FAM8A1: variants seen among roughly 807,000 people sequenced by gnomAD.
The protein encoded by FAM8A1 is family with sequence similarity 8 member A1, also known as protein FAM8A1.
A neutral mutation model predicts 38.3 loss-of-function variants in FAM8A1; 18 were observed. The ratio of observed to expected loss-of-function variants is 0.47; its 90% CI spans 0.33 to 0.70. The LOEUF is 0.70. Ranked by LOEUF, FAM8A1 falls within the 30% of genes least tolerant of loss-of-function variation. The pLI is 0.03. For synonymous variants in FAM8A1, 246 were observed against 234.4 expected, an observed-to-expected ratio of 1.05 and a Z score of -0.45; for missense variants, 559 against 559.6, an observed-to-expected ratio of 1.00 and a Z score of 0.01.
rs1222733924 is a variant in FAM8A1, at chr6:17,611,713, C to CA, written c.*3376dup. 1 of 152,164 alleles carries CA rather than the reference C, an allele frequency of 6.6e-6. No individual in the cohort carries two copies. Among genetic ancestry groups the CA allele is most frequent in the Non-Finnish European group, 1.5e-5 (1 of 68,022 alleles). 9.4% of individuals were successfully genotyped at this position (152,164 alleles called of 1,614,324 possible). Reference sequence around the variant, plus strand: ...TTTGTCTCAATAAATACTTAGTCATCAATGCATCTGTATTTTGTCTATTTC... The same window carrying CA: ...TTTGTCTCAATAAATACTTAGTCATCAAATGCATCTGTATTTTGTCTATTTC... On this transcript the variant is annotated 3_prime_UTR_variant, in exon 5 of 5. Transcript: ENST00000259963.
intron 2 of FAM8A1, among the ~76,000 whole-genome samples, chr6:17,604,036 G>C (rs1764020647): frequency 6.6e-6 from 1 of 151,998 alleles, no homozygotes; most frequent in South Asian, 2.1e-4. Flanking sequence ...TCCTGGTTCT[G>C]TTCCTTTCCT....
rs778338963 is a variant in FAM8A1, at chr6:17,600,883, C to T, written c.474C>T (p.Val158=). Residue 158 remains valine, a synonymous_variant, in exon 1 of 5, where the codon GTC becomes GTT. Transcript: ENST00000259963. Reference sequence around the variant, plus strand: ...GCTTCCCTTCGGGCGGCGCTGCAGTCCCCCAGGCCGCGGCGCCGCCGCCCC... The same window carrying T: ...GCTTCCCTTCGGGCGGCGCTGCAGTTCCCCAGGCCGCGGCGCCGCCGCCCC... The part of the protein sequence containing the change: ...PQSFPSGGAA[V]PQAAAPPPPQ... The T allele has an allele frequency of 1.2e-6, 2 of 1,600,690 alleles. No homozygotes were observed. Among genetic ancestry groups the T allele is most frequent in the East Asian group, 2.2e-5 (1 of 44,638 alleles).
Position 17,600,562 on chromosome 6 carries a change from C to A in FAM8A1, c.153C>A (p.Gly51=). 1 of 1,500,832 alleles carries A rather than the reference C, an allele frequency of 6.7e-7. No homozygotes were observed. Among genetic ancestry groups the A allele is most frequent in the Non-Finnish European group, 8.9e-7 (1 of 1,128,920 alleles). 93.0% of individuals were successfully genotyped at this position (1,500,832 alleles called of 1,614,324 possible). A position where few individuals can be genotyped will look rare whatever the true frequency, so the allele number is the denominator to read the frequency against. ...DDPQAEPQAP[G]RPTAPGLAAA... is the part of the protein sequence containing the mutation. ...CCCAGGCCGAACCCCAGGCCCCGGG[C>A]CGGCCCACAGCCCCGGGCCTCGCGG... Residue 51 remains glycine (G), a synonymous_variant, in exon 1 of 5, where the codon GGC becomes GGA. Coordinates refer to ENST00000259963, the MANE Select transcript of FAM8A1 (RefSeq NM_016255.3).
rs16879867 is a variant in FAM8A1 at position 17,611,062 on chromosome 6, T to C, written c.*2723T>C. The C allele has an allele frequency of 0.097, 14,830 of 152,234 alleles. 807 individuals carry two copies. Among genetic ancestry groups the C allele is most frequent in the Admixed American group, 0.12 (1,889 of 15,296 alleles). The allele number at this position is 152,234 out of a possible 1,614,324, so 9.4% of individuals were successfully genotyped here. On this transcript the variant is annotated 3_prime_UTR_variant, in exon 5 of 5. Transcript: ENST00000259963. ...TCACTTGTCAGTATCATAAAGAGTA[T>C]TGCCCAACTGAACTTTGCTCCCACT...
chr6:17,600,552 A>C lies in FAM8A1; in HGVS notation c.143A>C (p.Gln48Pro), dbSNP rs758577703. The change falls in exon 1 of 5, where the codon CAG (glutamine) becomes CCG (proline). Residue 48 changes from glutamine (Q) to proline (P), a missense_variant. Physicochemically the swap from Gln to Pro is moderately conservative, Grantham distance 76. Transcript: ENST00000259963. ...CGCGACGACCCCCAGGCCGAACCCC[A>C]GGCCCCGGGCCGGCCCACAGCCCCG... The part of the protein sequence containing the change: ...CPRDDPQAEP[Q>P]APGRPTAPGL... The C allele has an allele frequency of 2.0e-6, 3 of 1,509,046 alleles. No homozygotes were observed. Among genetic ancestry groups the C allele is most frequent in the Non-Finnish European group, 2.7e-6 (3 of 1,131,608 alleles). The allele number at this position is 1,509,046 out of a possible 1,614,324, so 93.5% of individuals were successfully genotyped here.
rs1223232273 is a variant in FAM8A1 at position 17,611,280 on chromosome 6, T to A, written c.*2941T>A. The A allele has an allele frequency of 3.9e-5, 6 of 152,620 alleles. No individual in the cohort carries two copies. The East Asian group carries it at 1.2e-3, about 29-fold the overall frequency. The allele number at this position is 152,620 out of a possible 1,614,324, so 9.5% of individuals were successfully genotyped here. On this transcript the variant is annotated 3_prime_UTR_variant, in exon 5 of 5. Transcript: ENST00000259963. ...CTTGAGTGTTTTAGTTATGCATAAG[T>A]ATTTCTAGCAAAGGAAGGGTAGAAA...
chr6:17,602,117 G>A (rs1763993220), intron 1 of FAM8A1, among the ~76,000 whole-genome samples: 1 of 152,174 alleles, frequency 6.6e-6, no homozygotes, highest in Non-Finnish European at 1.5e-5. Context: ...TGCAGCCTCC[G>A]CCTCCCAGGT....
At chr6:17,606,995 T>C (rs779010035) in intron 4 of FAM8A1, among the ~76,000 whole-genome samples, 21 of 152,180 alleles carry the variant, frequency 1.4e-4, no homozygotes, top group Non-Finnish European at 2.2e-4. Flanking sequence ...GCACAGTGGC[T>C]CACGCCTGTA....
intron 2 of FAM8A1, 41 bp from the exon 3 acceptor site, chr6:17,604,865 G>A (rs760552205): frequency 1.3e-6 from 2 of 1,508,664 alleles, no homozygotes; most frequent in Non-Finnish European, 1.8e-6. Context: ...TACTGTTCTG[G>A]TAACTAATTA....
rs747275164 is a variant in FAM8A1 at position 17,601,272 on chromosome 6, C to A, written c.712+151C>A. The A allele has an allele frequency of 5.4e-5, 58 of 1,074,718 alleles. 1 individual carries two copies. The highest frequency in any genetic ancestry group is 7.2e-5 in the Non-Finnish European group (56 of 773,046). The allele number at this position is 1,074,718 out of a possible 1,614,324, so 66.6% of individuals were successfully genotyped here. ...GTTCACTAGCTATCGTTTGTCCAGG[C>A]CCTAAATTCCCAAAATGTACAAGGA... On this transcript the variant is annotated intron_variant, in intron 1 of 4. Transcript: ENST00000259963.
At position 17,609,315 on chromosome 6, in the gene FAM8A1, A is replaced by G. The variant is rs150680946; in HGVS notation, c.*976A>G. The G allele has an allele frequency of 1.5e-4, 23 of 152,284 alleles. No homozygotes were observed. The East Asian group carries it at 3.7e-3, about 24-fold the overall frequency. The allele number at this position is 152,284 out of a possible 1,614,324, so 9.4% of individuals were successfully genotyped here. ...CATATTCACATACTACTTTCCTTAT[A>G]TTTTATATAGTTCTATGACTGTTGA... On this transcript the variant is annotated 3_prime_UTR_variant, in exon 5 of 5. Transcript: ENST00000259963.
chr6:17,608,416 A>G lies in FAM8A1; in HGVS notation c.*77A>G, dbSNP rs149285225. 42 of 1,475,860 alleles carry G rather than the reference A, an allele frequency of 2.8e-5. No individual in the cohort carries two copies. The African/African-American group carries it at 5.7e-4, about 20-fold the overall frequency. 91.4% of individuals were successfully genotyped at this position (1,475,860 alleles called of 1,614,324 possible). ...GCCATCAGTATCCCTGGGTTACACT[A>G]ATTGATGATTTAGAAATTAAAGCAG... On this transcript the variant is annotated 3_prime_UTR_variant, in exon 5 of 5. Coordinates refer to ENST00000259963, the MANE Select transcript of FAM8A1 (RefSeq NM_016255.3).
In FAM8A1 at chr6:17,602,677, T is replaced by C. The variant is rs753680743; in HGVS notation, c.800T>C (p.Ile267Thr). The C allele has an allele frequency of 1.3e-5, 21 of 1,613,448 alleles. No homozygotes were observed. Among genetic ancestry groups the C allele is most frequent in the Non-Finnish European group, 1.8e-5 (21 of 1,179,824 alleles). ...ATTCTCTTCTTTATAAAAGCAACCA[T>C]TGTCTTAAGCATTATGCACCTCAGT... The part of the protein sequence containing the change: ...FFILFFIKAT[I>T]VLSIMHLSGI... The change falls in exon 2 of 5, where the codon ATT (isoleucine) becomes ACT (threonine). Residue 267 changes from isoleucine (I) to threonine (T), a missense_variant. This residue lies in a region of FAM8A1 where 166 missense variants were observed against 220.8 expected (regional missense o/e 0.75). Transcript: ENST00000259963.
chr6:17,604,816 A>G (rs1302596236), intron 2 of FAM8A1, 90 bp from the exon 3 acceptor site: 5 of 1,000,090 alleles, frequency 5.0e-6, no homozygotes, highest in Non-Finnish European at 7.2e-6. Flanking sequence ...AATTTCAATT[A>G]AAATGTATGA....
rs951185115 is a variant in FAM8A1, at chr6:17,610,729, G to A, written c.*2390G>A. 1 of 152,066 alleles carries A rather than the reference G, an allele frequency of 6.6e-6. No individual in the cohort carries two copies. The highest frequency in any genetic ancestry group is 1.9e-4 in the East Asian group (1 of 5,188). The allele number at this position is 152,066 out of a possible 1,614,324, so 9.4% of individuals were successfully genotyped here. A position where few individuals can be genotyped will look rare whatever the true frequency, so the allele number is the denominator to read the frequency against. On this transcript the variant is annotated 3_prime_UTR_variant, in exon 5 of 5. Coordinates refer to ENST00000259963, the MANE Select transcript of FAM8A1 (RefSeq NM_016255.3). ...TAGCCTAAAAAGCCAAAAGAAAGTT[G>A]TCTTCATTGTACAAACATATTCATC... is the stretch of plus-strand genomic sequence containing the variant.
Position 17,604,890 on chromosome 6 carries a change from C to A in FAM8A1, c.834-16C>A. 1 of 1,555,028 alleles carries A rather than the reference C, an allele frequency of 6.4e-7. No homozygotes were observed. Among genetic ancestry groups the A allele is most frequent in the South Asian group, 1.2e-5 (1 of 84,280 alleles). ...GTAACTAATTATTTATAACCCCAAA[C>A]TATTATTTTGTGTAGGGATATCTCT... On this transcript the variant is annotated splice_polypyrimidine_tract_variant and intron_variant, in intron 2 of 4. Coordinates refer to ENST00000259963, the MANE Select transcript of FAM8A1 (RefSeq NM_016255.3).
intron 1 of FAM8A1, 100 bp from the exon 2 acceptor site, chr6:17,602,490 G>C (rs956488258): frequency 3.7e-5 from 43 of 1,177,226 alleles, no homozygotes; most frequent in Admixed American, 1.2e-4. Context: ...TTATTAAGTT[G>C]TACCTTGACT....
intron 3 of FAM8A1, among the ~76,000 whole-genome samples, chr6:17,605,554 C>T (rs1006302660): frequency 6.6e-6 from 1 of 151,950 alleles, no homozygotes; most frequent in Non-Finnish European, 1.5e-5. Context: ...ATTTTTCAGT[C>T]TTAGAAACTC....
intron 2 of FAM8A1, among the ~76,000 whole-genome samples, chr6:17,603,447 C>G (rs1764012748): frequency 6.6e-6 from 1 of 152,144 alleles, no homozygotes; most frequent in Admixed American, 6.5e-5. Flanking sequence ...ATTTCAGGGT[C>G]CTTGCCAGAA....
Sources: gnomAD v4.1 joint callset for allele counts (sites outside exome capture counted in the v4.1 genomes callset) on GRCh38, gnomAD v4.1.1 for gene constraint, gnomAD v4.1.1 regional missense constraint, MANE v1.5 for transcripts, NCBI Gene and HGNC (gene_info 2026-07-23, HGNC 2026-07-21) for gene names.